The following GLRA3 variants were observed in gnomAD, a reference collection of about 807,000 sequenced individuals.
The protein encoded by GLRA3 is glycine receptor subunit alpha-3.
Under a neutral mutation model 60.4 loss-of-function variants are expected in GLRA3, and 44 were observed. That is an observed-to-expected ratio of 0.73 (90% CI 0.57 to 0.94). GLRA3 has a LOEUF of 0.94. Among genes scored for constraint, GLRA3 ranks in the 40% least tolerant of loss-of-function variants. GLRA3 has a pLI of 0.00. For synonymous variants in GLRA3, 223 were observed against 192.9 expected (o/e 1.16, Z -1.29); for missense variants, 508 against 564.6 (o/e 0.90, Z 1.02).
chr4:174,663,755 A>G (rs1053816409), intron 7 of GLRA3, among the ~76,000 whole-genome samples: 2 of 152,144 alleles, frequency 1.3e-5, no homozygotes, highest in African/African-American at 4.8e-5. Flanking sequence ...TTCTTACTTC[A>G]ATGCATTCAC....
intron 5 of GLRA3, among the ~76,000 whole-genome samples, chr4:174,689,126 T>C (rs1471907961): frequency 1.3e-5 from 2 of 152,172 alleles, no homozygotes; most frequent in African/African-American, 4.8e-5. Flanking sequence ...TTTGGTTTTA[T>C]AAAACAATTA....
chr4:174,774,364 A>ATGTGTGTG (rs141440746), intron 2 of GLRA3, among the ~76,000 whole-genome samples: 10 of 150,694 alleles, frequency 6.6e-5, no homozygotes, highest in African/African-American at 2.4e-4. Flanking sequence ...GTGTGTGTGT[A>ATGTGTGTG]TGTGTGTGTG....
Position 174,714,605 on chromosome 4 carries a change from C to T in GLRA3, c.574+883G>A, listed in dbSNP as rs186586181. Among the ~76,000 whole-genome samples the T allele has an allele frequency of 1.7e-3, 257 of 152,232 alleles. 1 individual carries two copies. Among genetic ancestry groups the T allele is most frequent in the African/African-American group, 5.9e-3 (244 of 41,536 alleles). On this transcript the variant is annotated intron_variant, in intron 5 of 9. Coordinates refer to ENST00000274093, the MANE Select transcript of GLRA3 (RefSeq NM_006529.4). ...GTTGGTCTGCCATCTAGTGACAGCT[C>T]CATCACACTACAAGCCTTGTCTTTG...
chr4:174,654,313 G>A (rs933379405), intron 9 of GLRA3, among the ~76,000 whole-genome samples: 1 of 151,766 alleles, frequency 6.6e-6, no homozygotes, highest in Non-Finnish European at 1.5e-5. Flanking sequence ...ATCCTTAGAA[G>A]CTATCATGAA....
At chr4:174,818,528 A>G (rs553783136) in intron 1 of GLRA3, among the ~76,000 whole-genome samples, 1 of 152,174 alleles carries the variant, frequency 6.6e-6, no homozygotes, top group Non-Finnish European at 1.5e-5. Context: ...GGCACCAGCA[A>G]AGGTCTGCAG....
At chr4:174,805,741 A>C (rs1740021785) in intron 1 of GLRA3, among the ~76,000 whole-genome samples, 1 of 152,188 alleles carries the variant, frequency 6.6e-6, no homozygotes, top group African/African-American at 2.4e-5. Context: ...CATAATAATA[A>C]AACAGGTTGA....
intron 3 of GLRA3, among the ~76,000 whole-genome samples, chr4:174,761,308 G>A (rs1737936056): frequency 6.6e-6 from 1 of 151,994 alleles, no homozygotes; most frequent in East Asian, 1.9e-4. Context: ...AGAATCTAAC[G>A]ACTCAATAAT....
chr4:174,643,497 T>A lies in GLRA3; in HGVS notation c.*289A>T. The A allele has an allele frequency of 1.0e-6, 1 of 991,274 alleles. No homozygotes were observed. The highest frequency in any genetic ancestry group is 1.2e-6 in the Non-Finnish European group (1 of 841,540). The allele number at this position is 991,274 out of a possible 1,614,324, so 61.4% of individuals were successfully genotyped here. ...TACTATTATGAGATATTATATAACA[T>A]ATAAACACATTGGCAGTAAAGCTTC... On this transcript the variant is annotated 3_prime_UTR_variant, in exon 10 of 10. Transcript: ENST00000274093.
intron 5 of GLRA3, among the ~76,000 whole-genome samples, chr4:174,691,999 C>G (rs1027535077): frequency 1.4e-4 from 21 of 151,614 alleles, no homozygotes; most frequent in Non-Finnish European, 2.4e-4. Flanking sequence ...CGCCTCTGCC[C>G]CGCCGCCCCG....
chr4:174,688,392 T>C (rs978162199), intron 5 of GLRA3, among the ~76,000 whole-genome samples: 7 of 140,048 alleles, frequency 5.0e-5, no homozygotes, highest in African/African-American at 1.8e-4. Flanking sequence ...ACATTATATA[T>C]ATTCATCAGA....
rs189750403 is a variant in GLRA3 at position 174,702,629 on chromosome 4, G to A, written c.574+12859C>T. On this transcript the variant is annotated intron_variant, in intron 5 of 9. Coordinates refer to ENST00000274093, the MANE Select transcript of GLRA3 (RefSeq NM_006529.4). ...GTTGCCCAGGCTGGGGTGCAGTGCC[G>A]TGATCATAGCTCACTGCAACCTTGA... Among the ~76,000 whole-genome samples the A allele has an allele frequency of 5.7e-3, 871 of 152,176 alleles. 4 individuals carry two copies. Among genetic ancestry groups the A allele is most frequent in the Non-Finnish European group, 8.7e-3 (594 of 68,018 alleles).
chr4:174,661,451 CT>C (rs1733436074), intron 7 of GLRA3, among the ~76,000 whole-genome samples: 1 of 152,172 alleles, frequency 6.6e-6, no homozygotes, highest in Non-Finnish European at 1.5e-5. Flanking sequence ...GCCTCAGCAC[CT>C]TAATATAATG....
intron 1 of GLRA3, among the ~76,000 whole-genome samples, chr4:174,821,678 A>G (rs1310446983): frequency 6.6e-6 from 1 of 152,134 alleles, no homozygotes; most frequent in Non-Finnish European, 1.5e-5. Flanking sequence ...AAAGTTGAGA[A>G]ATATACATTA....
chr4:174,790,353 T>C (rs989750027), intron 1 of GLRA3, among the ~76,000 whole-genome samples: 10 of 152,036 alleles, frequency 6.6e-5, no homozygotes, highest in Non-Finnish European at 1.2e-4. Flanking sequence ...AAGTTTATTC[T>C]AATACAAAAA....
rs562876583 is a variant in GLRA3, at chr4:174,710,852, G to A, written c.574+4636C>T. Among the ~76,000 whole-genome samples, 12 of 151,880 alleles carry A rather than the reference G, an allele frequency of 7.9e-5. No homozygotes were observed. In the East Asian group the frequency reaches 2.3e-3, roughly 29 times the overall value. ...GTTCTGAGATTTTTCAAAGCACCAG[G>A]TTTAGGGGTTTTTGTGATTCTTTGG... is the stretch of plus-strand genomic sequence containing the variant. On this transcript the variant is annotated intron_variant, in intron 5 of 9. Transcript: ENST00000274093.
At chr4:174,741,966 G>GTTTT (rs2111171536) in intron 3 of GLRA3, among the ~76,000 whole-genome samples, 1 of 152,176 alleles carries the variant, frequency 6.6e-6, no homozygotes, top group South Asian at 2.1e-4. Flanking sequence ...TATATAAAAT[G>GTTTT]TTTTTTCTTT....
intron 3 of GLRA3, among the ~76,000 whole-genome samples, chr4:174,737,093 T>C (rs903878766): frequency 2.0e-5 from 3 of 152,196 alleles, no homozygotes; most frequent in Non-Finnish European, 4.4e-5. Flanking sequence ...TCAGTGTTTT[T>C]TTTAAAATAT....
chr4:174,732,002 A>G (rs1196457936), intron 3 of GLRA3, among the ~76,000 whole-genome samples: 1 of 152,246 alleles, frequency 6.6e-6, no homozygotes, highest in East Asian at 1.9e-4. Context: ...ATGATATCAG[A>G]ATTTGTCAAA....
At chr4:174,651,544 G>A (rs112792173) in intron 9 of GLRA3, among the ~76,000 whole-genome samples, 5,231 of 152,108 alleles carry the variant, frequency 0.034, 142 homozygotes, top group Non-Finnish European at 0.054. Context: ...ATAACAACTT[G>A]AATCATTTTA....
Sources: allele counts gnomAD v4.1 joint callset (sites outside exome capture counted in the v4.1 genomes callset), GRCh38; gene constraint gnomAD v4.1.1; transcripts MANE v1.5; gene names NCBI Gene and HGNC (gene_info 2026-07-23, HGNC 2026-07-21).